The following AP1G1 variants were observed in gnomAD, a reference collection of about 807,000 sequenced individuals.
AP1G1 encodes AP-1 complex subunit gamma-1.
A neutral mutation model predicts 108.3 loss-of-function variants in AP1G1; 7 were observed. That is an observed-to-expected ratio of 0.06 (90% CI 0.04 to 0.12). The LOEUF is 0.12. Ranked by LOEUF, AP1G1 falls within the 10% of genes least tolerant of loss-of-function variation. AP1G1 has a pLI of 1.00. For synonymous variants in AP1G1, 379 were observed against 353.5 expected (o/e 1.07, Z -0.81); for missense variants, 756 against 1,010.7 (o/e 0.75, Z 3.42).
At chr16:71,744,483 G>A (rs1597039097) in intron 19 of AP1G1, among the ~76,000 whole-genome samples, 1 of 152,094 alleles carries the variant, frequency 6.6e-6, no homozygotes, top group East Asian at 1.9e-4. Context: ...AACCATTAGT[G>A]GGAAGGAACC....
At chr16:71,737,942 G>T (rs1398452490) in intron 21 of AP1G1, among the ~76,000 whole-genome samples, 1 of 152,254 alleles carries the variant, frequency 6.6e-6, no homozygotes, top group Non-Finnish European at 1.5e-5. Context: ...TATAAGAGCA[G>T]AACTGAGTAC....
Position 71,774,323 on chromosome 16 carries a change from C to T in AP1G1, c.326+145G>A, listed in dbSNP as rs113838137. The T allele has an allele frequency of 8.8e-5, 67 of 763,754 alleles. No individual in the cohort carries two copies. The Middle Eastern group carries it at 2.0e-3, about 22-fold the overall frequency. The allele number at this position is 763,754 out of a possible 1,614,324, so 47.3% of individuals were successfully genotyped here. A position where few individuals can be genotyped will look rare whatever the true frequency, so the allele number is the denominator to read the frequency against. On this transcript the variant is annotated intron_variant, in intron 3 of 22. Coordinates refer to ENST00000299980, the MANE Select transcript of AP1G1 (RefSeq NM_001128.6). Reference sequence around the variant, plus strand: ...AACCAGACTGGCAGTTGGGGGAGGACGGTGGCAGCGGAGGAGGATGCAGTG... The same window carrying T: ...AACCAGACTGGCAGTTGGGGGAGGATGGTGGCAGCGGAGGAGGATGCAGTG...
intron 13 of AP1G1, 88 bp downstream of exon 13, chr16:71,753,745 T>C (rs2030627254): frequency 1.7e-6 from 2 of 1,208,316 alleles, no homozygotes; most frequent in Non-Finnish European, 2.4e-6. Context: ...CTTGTGAATT[T>C]CTTACCTCCC....
Position 71,749,938 on chromosome 16 carries a change from C to T in AP1G1, c.1453G>A (p.Asp485Asn). ...TCACACTGGCCAGATACAAGAAGAT[C>T]ACCATATTCACCTATACACCATGCA... ...VAAWCIGEYG[D>N]LLVSGQCEEE... The change falls in exon 15 of 23, where the codon GAT (aspartate) becomes AAT (asparagine). Residue 485 changes from aspartate to asparagine, a missense_variant. Around this residue, in one of 3 missense-constraint regions of AP1G1, gnomAD observed 357 missense variants for 366.5 expected, o/e 0.97. Coordinates refer to ENST00000299980, the MANE Select transcript of AP1G1 (RefSeq NM_001128.6). 6.2e-7 allele frequency: 1 copy of T among 1,613,432 alleles called. No individual in the cohort carries two copies. The highest frequency in any genetic ancestry group is 8.5e-7 in the Non-Finnish European group (1 of 1,179,424).
chr16:71,753,724 T>A, intron 13 of AP1G1, 109 bp downstream of exon 13: 4 of 914,310 alleles, frequency 4.4e-6, no homozygotes, highest in Non-Finnish European at 1.8e-6. Context: ...GACATTAATG[T>A]TACCTATTTA....
At chr16:71,750,443 C>A in intron 13 of AP1G1, 111 bp from the exon 14 acceptor site, 2 of 1,324,992 alleles carry the variant, frequency 1.5e-6, no homozygotes, top group Admixed American at 2.0e-5. Context: ...GAGACAGAGT[C>A]TCGCTCTGTC....
chr16:71,748,446 T>A, intron 15 of AP1G1, 68 bp from the exon 16 acceptor site: 1 of 1,537,660 alleles, frequency 6.5e-7, no homozygotes, highest in East Asian at 2.3e-5. Flanking sequence ...AAATCTGATA[T>A]CAAGTCAGGG....
intron 1 of AP1G1, among the ~76,000 whole-genome samples, chr16:71,807,163 C>T (rs2033021625): frequency 6.7e-6 from 1 of 148,964 alleles, no homozygotes; most frequent in South Asian, 2.2e-4. Flanking sequence ...CGGTGGCTCA[C>T]GCCTGTAATC....
intron 4 of AP1G1, chr16:71,772,868 T>G: frequency 3.0e-6 from 1 of 330,978 alleles, no homozygotes; most frequent in South Asian, 2.5e-5. Flanking sequence ...CCAATAGAAC[T>G]GCCCTTCCAG....
chr16:71,770,659 A>G (rs1312074243), intron 5 of AP1G1, among the ~76,000 whole-genome samples: 1 of 152,174 alleles, frequency 6.6e-6, no homozygotes, highest in Non-Finnish European at 1.5e-5. Flanking sequence ...GGTATTTTTT[A>G]CAGAGATGGG....
At chr16:71,739,685 G>A (rs1203443704) in intron 19 of AP1G1, among the ~76,000 whole-genome samples, 2 of 150,642 alleles carry the variant, frequency 1.3e-5, no homozygotes, top group Admixed American at 1.3e-4. Flanking sequence ...CTGGAAAGTT[G>A]AGGCTACAGT....
intron 1 of AP1G1, among the ~76,000 whole-genome samples, chr16:71,798,364 A>G (rs2032660710): frequency 6.6e-6 from 1 of 151,994 alleles, no homozygotes; most frequent in South Asian, 2.1e-4. Context: ...ACGCTCAGCT[A>G]ATTTTTTTGT....
At chr16:71,745,687 T>G (rs1214226554) in intron 17 of AP1G1, 73 bp from the exon 18 acceptor site, 1 of 1,276,054 alleles carries the variant, frequency 7.8e-7, no homozygotes, top group African/African-American at 1.5e-5. Context: ...CACCATTAAC[T>G]ATGTTGAGCC....
At chr16:71,746,121 T>G (rs889566845) in intron 17 of AP1G1, among the ~76,000 whole-genome samples, 10 of 152,168 alleles carry the variant, frequency 6.6e-5, no homozygotes, top group Non-Finnish European at 2.9e-5. Flanking sequence ...ATGATTCTCC[T>G]GCTTCAGCCT....
chr16:71,774,444 A>G lies in AP1G1; in HGVS notation c.326+24T>C, dbSNP rs573771647. 19 of 1,586,584 alleles carry G rather than the reference A, an allele frequency of 1.2e-5. No individual in the cohort carries two copies. The South Asian group carries it at 1.6e-4, about 14-fold the overall frequency. ...AAGAACAAAGTAGTTAACAGTTGTT[A>G]GAAGAAAGAAAAGTAAGACTTACTT... On this transcript the variant is annotated intron_variant, in intron 3 of 22. Transcript: ENST00000299980.
chr16:71,774,355 GATC>G, intron 3 of AP1G1, 110 bp downstream of exon 3: 1 of 1,188,618 alleles, frequency 8.4e-7, no homozygotes, highest in South Asian at 1.5e-5. Flanking sequence ...AGTGAGTCAA[GATC>G]ACGCCACTTC....
intron 1 of AP1G1, 36 bp from the exon 2 acceptor site, chr16:71,789,518 AT>A: frequency 6.3e-7 from 1 of 1,579,570 alleles, no homozygotes; most frequent in Non-Finnish European, 8.7e-7. Flanking sequence ...AGATGTTCAC[AT>A]TTTTTACTAC....
chr16:71,758,972 A>G, intron 10 of AP1G1, 51 bp from the exon 11 acceptor site: 1 of 1,042,658 alleles, frequency 9.6e-7, no homozygotes, highest in Non-Finnish European at 1.4e-6. Context: ...AATTCAGGAT[A>G]GTTTTTCTCC....
At chr16:71,767,963 A>C in intron 6 of AP1G1, 8 of 1,457,160 alleles carry the variant, frequency 5.5e-6, no homozygotes, top group Non-Finnish European at 7.6e-6. Context: ...TACGGGTCTC[A>C]TACTATATTA....
Sources: gnomAD v4.1 joint callset for allele counts (sites outside exome capture counted in the v4.1 genomes callset) on GRCh38, gnomAD v4.1.1 for gene constraint, gnomAD v4.1.1 regional missense constraint, MANE v1.5 for transcripts, NCBI Gene and HGNC (gene_info 2026-07-23, HGNC 2026-07-21) for gene names.